Variants in HOXA3 observed in about 807,000 individuals in gnomAD.
The protein encoded by HOXA3 is homeobox protein Hox-A3.
In HOXA3, 8 loss-of-function variants were observed where a neutral mutation model predicts 30.3. The ratio of observed to expected loss-of-function variants is 0.26; its 90% CI spans 0.15 to 0.48. The LOEUF is 0.48. HOXA3 is among the 20% of genes least tolerant of loss of function. The pLI is 0.99. For missense variants in HOXA3, 653 were observed against 614.4 expected, an observed-to-expected ratio of 1.06 and a Z score of -0.66; for synonymous variants, 323 against 273.1, an observed-to-expected ratio of 1.18 and a Z score of -1.80.
intron 2 of HOXA3, chr7:27,130,600 G>A (rs1785507832): frequency 2.6e-6 from 4 of 1,536,804 alleles, no homozygotes; most frequent in Non-Finnish European, 3.5e-6. Flanking sequence ...GGGCGCTGGG[G>A]GCTGCTGGTA....
intron 4 of HOXA3, among the ~76,000 whole-genome samples, chr7:27,114,846 A>ATATATATAATATATATTATATATATAT (rs2128044048): frequency 1.3e-5 from 1 of 75,348 alleles, no homozygotes; most frequent in East Asian, 3.7e-4. Flanking sequence ...TATATATATA[A>ATATATATAATATATATTATATATATAT]TATATATTAT....
chr7:27,130,132 ATCT>A (rs1785462360), intron 2 of HOXA3: 2 of 1,602,678 alleles, frequency 1.2e-6, no homozygotes, highest in Non-Finnish European at 1.7e-6. Flanking sequence ...GCTGACATGG[ATCT>A]TCTTCATCCA....
intron 2 of HOXA3, among the ~76,000 whole-genome samples, chr7:27,133,669 G>C (rs1003934047): frequency 4.6e-5 from 7 of 152,200 alleles, no homozygotes; most frequent in African/African-American, 1.7e-4. Flanking sequence ...CGGAGGGAGA[G>C]GGAGGGTGCA....
intron 2 of HOXA3, among the ~76,000 whole-genome samples, chr7:27,131,932 C>T (rs1412968536): frequency 6.6e-6 from 1 of 152,116 alleles, no homozygotes; most frequent in African/African-American, 2.4e-5. Context: ...TCAGAAGCTC[C>T]GGAAAGGAGG....
chr7:27,140,244 A>C (rs1242172739), intron 1 of HOXA3, 58 bp from the exon 2 acceptor site: 1 of 152,116 alleles, frequency 6.6e-6, no homozygotes, highest in Admixed American at 6.5e-5. Flanking sequence ...TGTGGTATAT[A>C]ATGTTGGATG....
At chr7:27,122,837 A>G (rs1046262559) in intron 3 of HOXA3, 195 bp from the exon 4 acceptor site, 5 of 152,174 alleles carry the variant, frequency 3.3e-5, no homozygotes, top group African/African-American at 1.2e-4. Context: ...TGGTCCGAAG[A>G]TGGTGATTTA....
At chr7:27,129,001 GT>G (rs1785397506) in intron 2 of HOXA3, 1 of 597,586 alleles carries the variant, frequency 1.7e-6, no homozygotes, top group Non-Finnish European at 3.0e-6. Flanking sequence ...GGGCCAGCAG[GT>G]TGTTCCACCA....
chr7:27,129,166 C>A, intron 2 of HOXA3: 1 of 1,020,946 alleles, frequency 9.8e-7, no homozygotes. Flanking sequence ...AGGAACGGAG[C>A]AGGAGAAGAG....
chr7:27,143,698 G>A, intron 1 of HOXA3: 1 of 1,486,918 alleles, frequency 6.7e-7, no homozygotes, highest in Non-Finnish European at 9.0e-7. Flanking sequence ...TTATGGAAAT[G>A]ACTGGGACAT....
chr7:27,148,059 G>A (rs1030133421), intron 1 of HOXA3, among the ~76,000 whole-genome samples: 5 of 152,388 alleles, frequency 3.3e-5, no homozygotes, highest in African/African-American at 9.6e-5. Flanking sequence ...GGCGGGCACG[G>A]CCCTTTCAGT....
chr7:27,107,832 T>TA lies in HOXA3; in HGVS notation c.*82dup, dbSNP rs59078276. ...AAGGAAGGAAAGGGCAGGAAGAACC[T>TA]AAAAAAAAAAAAAAAAAAAAGCAAC... On this transcript the variant is annotated 3_prime_UTR_variant, in exon 6 of 6. Transcript: ENST00000612286. 0.054 allele frequency: 29,253 copies of TA among 539,270 alleles called. 1,093 individuals are homozygous for TA. The highest frequency in any genetic ancestry group is 0.19 in the African/African-American group (7,272 of 37,960). The allele number at this position is 539,270 out of a possible 1,614,324, so 33.4% of individuals were successfully genotyped here.
chr7:27,109,411 C>T (rs1251860087), intron 5 of HOXA3, among the ~76,000 whole-genome samples: 1 of 152,206 alleles, frequency 6.6e-6, no homozygotes, highest in African/African-American at 2.4e-5. Context: ...CTCTGGAAGT[C>T]CCAGATGCTC....
chr7:27,143,621 T>A (rs750698181), intron 1 of HOXA3: 4 of 1,582,582 alleles, frequency 2.5e-6, no homozygotes, highest in Non-Finnish European at 3.4e-6. Flanking sequence ...TTTTTTGATA[T>A]GTGTGCTTGA....
At chr7:27,147,209 T>C in intron 1 of HOXA3, 3 of 1,222,792 alleles carry the variant, frequency 2.5e-6, no homozygotes, top group South Asian at 3.0e-5. Context: ...TTTCATCCTT[T>C]CTTTCTCTCT....
chr7:27,147,180 A>G, intron 1 of HOXA3: 1 of 1,004,836 alleles, frequency 1.0e-6, no homozygotes, highest in East Asian at 2.6e-5. Context: ...TTAAGAAGCC[A>G]AAGAAACTTT....
chr7:27,112,053 T>A (rs2128041521), intron 4 of HOXA3, among the ~76,000 whole-genome samples: 1 of 152,326 alleles, frequency 6.6e-6, no homozygotes, highest in South Asian at 2.1e-4. Flanking sequence ...GTTGAAAACC[T>A]CCTCAACCCT....
chr7:27,142,484 C>T (rs1782604393), intron 1 of HOXA3, among the ~76,000 whole-genome samples: 2 of 152,216 alleles, frequency 1.3e-5, no homozygotes, highest in African/African-American at 4.8e-5. Flanking sequence ...AAGTTCCAGC[C>T]CCGAGAGCCG....
intron 1 of HOXA3, chr7:27,142,935 G>T: frequency 9.6e-7 from 1 of 1,038,068 alleles, no homozygotes; most frequent in Non-Finnish European, 1.4e-6. Flanking sequence ...AGCTCCGCAG[G>T]GCTGGGAGAA....
chr7:27,127,822 A>T (rs1785349723), intron 2 of HOXA3, among the ~76,000 whole-genome samples: 1 of 152,234 alleles, frequency 6.6e-6, no homozygotes, highest in Admixed American at 6.5e-5. Context: ...TCCCAGGTCT[A>T]CTTTGCATGG....
Sources: allele counts gnomAD v4.1 joint callset (sites outside exome capture counted in the v4.1 genomes callset), GRCh38; gene constraint gnomAD v4.1.1; transcripts MANE v1.5; gene names NCBI Gene and HGNC (gene_info 2026-07-23, HGNC 2026-07-21).